ACOT13: variants seen among roughly 807,000 people sequenced by gnomAD.
The protein encoded by ACOT13 is acyl-CoA thioesterase 13, also known as acyl-coenzyme A thioesterase 13.
In ACOT13, 10 loss-of-function variants were observed where a neutral mutation model predicts 11.8. That is an observed-to-expected ratio of 0.85 (90% CI 0.53 to 1.44). The LOEUF is 1.44. Ranked by LOEUF, ACOT13 falls within the 40% of genes most tolerant of loss-of-function variation. The probability of loss-of-function intolerance (pLI) is 0.00; values close to 1 mark genes in which losing one functional copy is unlikely to be tolerated. For synonymous variants in ACOT13, 53 were observed against 61.0 expected, an observed-to-expected ratio of 0.87 and a Z score of 0.61; for missense variants, 172 against 174.1, an observed-to-expected ratio of 0.99 and a Z score of 0.07.
rs537316708 is a variant in ACOT13 at position 24,687,773 on chromosome 6, C to T, written c.82-10110C>T. 72 of 1,354,482 alleles carry T rather than the reference C, an allele frequency of 5.3e-5. 1 individual carries two copies. Among genetic ancestry groups the T allele is most frequent in the Middle Eastern group, 2.6e-4 (1 of 3,856 alleles). 83.9% of individuals were successfully genotyped at this position (1,354,482 alleles called of 1,614,324 possible). A position where few individuals can be genotyped will look rare whatever the true frequency, so the allele number is the denominator to read the frequency against. On this transcript the variant is annotated intron_variant, in intron 1 of 2. Coordinates refer to ENST00000230048, the MANE Select transcript of ACOT13 (RefSeq NM_018473.4). ...TTGCCCAGGCTGGAGTACAATGGTA[C>T]GATCTTGGCTCAACTGCAACCTCTG... is the stretch of plus-strand genomic sequence containing the variant.
chr6:24,692,566 T>C (rs1778733570), intron 1 of ACOT13, among the ~76,000 whole-genome samples: 2 of 152,038 alleles, frequency 1.3e-5, no homozygotes, highest in East Asian at 3.9e-4. Context: ...TGCAGGCACA[T>C]GCCACCATGC....
chr6:24,682,452 G>T (rs1398407392), intron 1 of ACOT13, among the ~76,000 whole-genome samples: 1 of 152,196 alleles, frequency 6.6e-6, no homozygotes, highest in Admixed American at 6.5e-5. Context: ...GCCATGCGGT[G>T]AGTGTTATAG....
chr6:24,695,607 C>T (rs889443877), intron 1 of ACOT13, among the ~76,000 whole-genome samples: 1 of 152,198 alleles, frequency 6.6e-6, no homozygotes, highest in Non-Finnish European at 1.5e-5. Flanking sequence ...ACACTGAACC[C>T]GCTAAGAGCA....
At chr6:24,687,355 T>C (rs1188278084) in intron 1 of ACOT13, 17 of 969,826 alleles carry the variant, frequency 1.8e-5, no homozygotes, top group Non-Finnish European at 2.2e-5. Flanking sequence ...ATAAATATGC[T>C]TAACATTATC....
intron 2 of ACOT13, among the ~76,000 whole-genome samples, chr6:24,699,839 A>C (rs1234730456): frequency 6.6e-6 from 1 of 152,218 alleles, no homozygotes; most frequent in Non-Finnish European, 1.5e-5. Flanking sequence ...TAGAACCCTA[A>C]GGAATTTTCA....
At chr6:24,681,166 A>G (rs1279847243) in intron 1 of ACOT13, among the ~76,000 whole-genome samples, 1 of 131,502 alleles carries the variant, frequency 7.6e-6, no homozygotes, top group Non-Finnish European at 1.6e-5. Context: ...TTTTTGATTT[A>G]GTAAGCTACC....
intron 1 of ACOT13, among the ~76,000 whole-genome samples, chr6:24,671,055 G>GCA (rs1276883900): frequency 1.9e-4 from 29 of 152,154 alleles, no homozygotes; most frequent in Non-Finnish European, 4.1e-4. Context: ...ACACTGTGGT[G>GCA]ATTCCTCAAG....
intron 1 of ACOT13, among the ~76,000 whole-genome samples, chr6:24,690,813 G>A (rs1226242117): frequency 6.6e-5 from 10 of 152,070 alleles, no homozygotes; most frequent in Admixed American, 1.3e-4. Flanking sequence ...GGGCAACATC[G>A]TACTCACCTT....
At chr6:24,691,887 A>T (rs1317223884) in intron 1 of ACOT13, among the ~76,000 whole-genome samples, 1 of 152,236 alleles carries the variant, frequency 6.6e-6, no homozygotes, top group Non-Finnish European at 1.5e-5. Context: ...TTTCATCTGA[A>T]CATAAAGTCA....
chr6:24,695,795 G>A (rs959376624), intron 1 of ACOT13, among the ~76,000 whole-genome samples: 3 of 152,102 alleles, frequency 2.0e-5, no homozygotes, highest in Admixed American at 6.5e-5. Context: ...GGCCAGGCGC[G>A]GTGGCTCACG....
rs1778891630 is a variant in ACOT13, at chr6:24,701,504, A to C, written c.312A>C (p.Ala104=). 1 of 1,613,266 alleles carries C rather than the reference A, an allele frequency of 6.2e-7. No homozygotes were observed. Among genetic ancestry groups the C allele is most frequent in the South Asian group, 1.1e-5 (1 of 91,040 alleles). ...AKLGEDIVIT[A]HVLKQGKTLA... ...TAGGAGAAGATATAGTGATTACAGCACATGTTCTGAAGCAAGGAAAAACAC... is the reference window on the plus strand; with the variant it reads ...TAGGAGAAGATATAGTGATTACAGCCCATGTTCTGAAGCAAGGAAAAACAC... Residue 104 remains alanine (A), a synonymous_variant, in exon 3 of 3, where the codon GCA becomes GCC. Transcript: ENST00000230048.
intron 1 of ACOT13, among the ~76,000 whole-genome samples, chr6:24,672,594 G>A (rs1778382185): frequency 6.6e-6 from 1 of 152,178 alleles, no homozygotes; most frequent in African/African-American, 2.4e-5. Flanking sequence ...AGCTGAGATT[G>A]AGCCACTGCA....
rs757285876 is a variant in ACOT13, at chr6:24,699,093, A to G, written c.266+1026A>G. On this transcript the variant is annotated intron_variant, in intron 2 of 2. Transcript: ENST00000230048. ...AATAAAGAAAGAGCTGGGCACAGGG[A>G]TTTAGTTTCAAGACAACTGCTTTTT... Among the ~76,000 whole-genome samples the G allele has an allele frequency of 5.5e-4, 84 of 152,134 alleles. 1 individual carries two copies. Among genetic ancestry groups the G allele is most frequent in the Non-Finnish European group, 8.7e-4 (59 of 68,000 alleles).
intron 1 of ACOT13, among the ~76,000 whole-genome samples, chr6:24,670,697 C>T (rs1778346350): frequency 6.6e-6 from 1 of 152,172 alleles, no homozygotes; most frequent in Non-Finnish European, 1.5e-5. Context: ...AACAAATATG[C>T]TCCAAATTTT....
At chr6:24,671,315 A>C (rs1008810308) in intron 1 of ACOT13, among the ~76,000 whole-genome samples, 1 of 152,188 alleles carries the variant, frequency 6.6e-6, no homozygotes, top group Non-Finnish European at 1.5e-5. Flanking sequence ...CTTTGTAGGG[A>C]CATGGATGAA....
intron 1 of ACOT13, among the ~76,000 whole-genome samples, chr6:24,692,520 G>A (rs1778732519): frequency 6.6e-6 from 1 of 151,866 alleles, no homozygotes; most frequent in African/African-American, 2.4e-5. Context: ...GGGCTCAAGC[G>A]ATCCTCCCCA....
chr6:24,677,763 T>C (rs1313352381), intron 1 of ACOT13, among the ~76,000 whole-genome samples: 3 of 152,228 alleles, frequency 2.0e-5, no homozygotes, highest in Non-Finnish European at 2.9e-5. Context: ...ACTATTTCGC[T>C]GTACCTGGGA....
At position 24,703,798 on chromosome 6, in the gene ACOT13, T is replaced by C. The variant is rs1353558313; in HGVS notation, c.*2183T>C. The C allele has an allele frequency of 1.3e-5, 2 of 152,188 alleles. No individual in the cohort carries two copies. Among genetic ancestry groups the C allele is most frequent in the Non-Finnish European group, 2.9e-5 (2 of 68,034 alleles). The allele number at this position is 152,188 out of a possible 1,614,324, so 9.4% of individuals were successfully genotyped here. A position where few individuals can be genotyped will look rare whatever the true frequency, so the allele number is the denominator to read the frequency against. ...ACACATAGGGCAAAACCAGGACACC[T>C]TGACCAGGCGCTCAAAAGTAACATC... On this transcript the variant is annotated 3_prime_UTR_variant, in exon 3 of 3. Coordinates refer to ENST00000230048, the MANE Select transcript of ACOT13 (RefSeq NM_018473.4).
intron 1 of ACOT13, chr6:24,687,726 T>C: frequency 6.7e-7 from 1 of 1,493,424 alleles, no homozygotes. Flanking sequence ...TTTTTTTTTT[T>C]TTGAGACAGA....
Sources: gnomAD v4.1 joint callset for allele counts (sites outside exome capture counted in the v4.1 genomes callset) on GRCh38, gnomAD v4.1.1 for gene constraint, MANE v1.5 for transcripts, NCBI Gene and HGNC (gene_info 2026-07-23, HGNC 2026-07-21) for gene names.